Variants in MEI4 observed in about 807,000 individuals in gnomAD.
MEI4 encodes the protein meiosis-specific protein MEI4.
MEI4 carries 27 observed loss-of-function variants against 31.4 expected under a neutral mutation model. That is an observed-to-expected ratio of 0.86 (90% CI 0.63 to 1.19). The LOEUF is 1.19. Among genes scored for constraint, MEI4 ranks in the 50% most tolerant of loss-of-function variants. The pLI is 0.00. For synonymous variants in MEI4, 122 were observed against 145.4 expected (o/e 0.84, Z 1.16); for missense variants, 329 against 398.9 (o/e 0.82, Z 1.49).
intron 3 of MEI4, among the ~76,000 whole-genome samples, chr6:77,807,143 A>G (rs1022071061): frequency 1.4e-4 from 17 of 120,296 alleles, no homozygotes; most frequent in Non-Finnish European, 2.1e-4. Flanking sequence ...GGTGTGCTTC[A>G]TAAGTTTTTT....
chr6:77,900,449 G>A (rs2127734929), intron 4 of MEI4, among the ~76,000 whole-genome samples: 1 of 152,010 alleles, frequency 6.6e-6, no homozygotes, highest in East Asian at 1.9e-4. Context: ...GAAAGACATA[G>A]CTCTAGACTA....
At chr6:77,746,319 G>A (rs1286702438) in intron 2 of MEI4, among the ~76,000 whole-genome samples, 1 of 152,162 alleles carries the variant, frequency 6.6e-6, no homozygotes, top group African/African-American at 2.4e-5. Context: ...GAACTGGTAG[G>A]CTGAGTAAAG....
chr6:77,777,365 G>T (rs1241874384), intron 3 of MEI4, among the ~76,000 whole-genome samples: 1 of 152,134 alleles, frequency 6.6e-6, no homozygotes, highest in Non-Finnish European at 1.5e-5. Context: ...ATGGAAGCCA[G>T]GTGCTAGAAT....
At chr6:77,745,810 A>C (rs1475164231) in intron 2 of MEI4, among the ~76,000 whole-genome samples, 1 of 152,234 alleles carries the variant, frequency 6.6e-6, no homozygotes, top group Non-Finnish European at 1.5e-5. Context: ...CTCAGGCTTA[A>C]GAATCTCACT....
At chr6:77,730,232 T>C (rs1766939828) in intron 2 of MEI4, among the ~76,000 whole-genome samples, 1 of 152,100 alleles carries the variant, frequency 6.6e-6, no homozygotes, top group South Asian at 2.1e-4. Context: ...ATTTTATTGT[T>C]TTTACCAGTT....
intron 1 of MEI4, among the ~76,000 whole-genome samples, chr6:77,670,111 T>C (rs893927655): frequency 6.6e-6 from 1 of 152,284 alleles, no homozygotes; most frequent in African/African-American, 2.4e-5. Flanking sequence ...ACAGCTCCCA[T>C]CACTAGATAA....
At chr6:77,864,568 C>T (rs1770965432) in intron 4 of MEI4, among the ~76,000 whole-genome samples, 1 of 152,150 alleles carries the variant, frequency 6.6e-6, no homozygotes, top group African/African-American at 2.4e-5. Context: ...CAGGAGCACC[C>T]AGATGCATAA....
chr6:77,763,652 C>T (rs1462883559), intron 3 of MEI4, among the ~76,000 whole-genome samples: 3 of 152,076 alleles, frequency 2.0e-5, no homozygotes, highest in Non-Finnish European at 4.4e-5. Context: ...GTTTTCATTT[C>T]TTGTAGAGTC....
intron 2 of MEI4, among the ~76,000 whole-genome samples, chr6:77,702,696 C>A (rs966387892): frequency 1.4e-4 from 22 of 152,126 alleles, no homozygotes; most frequent in Admixed American, 1.2e-3. Flanking sequence ...TCAGATATAA[C>A]CCAAAGGCCT....
intron 1 of MEI4, among the ~76,000 whole-genome samples, chr6:77,689,747 T>G (rs961943712): frequency 6.6e-6 from 1 of 151,984 alleles, no homozygotes; most frequent in African/African-American, 2.4e-5. Context: ...AAATGTAAGG[T>G]GAAGAATTTG....
chr6:77,749,342 A>G (rs1767703745), intron 2 of MEI4, among the ~76,000 whole-genome samples: 1 of 152,134 alleles, frequency 6.6e-6, no homozygotes, highest in Non-Finnish European at 1.5e-5. Context: ...GCATGTTCTA[A>G]CCCTATGCAA....
intron 3 of MEI4, among the ~76,000 whole-genome samples, chr6:77,773,022 T>C (rs1335987091): frequency 6.6e-6 from 1 of 151,928 alleles, no homozygotes; most frequent in Non-Finnish European, 1.5e-5. Flanking sequence ...TGTAAAACAC[T>C]GATGAAAGAA....
chr6:77,803,546 C>T (rs1201661990), intron 3 of MEI4, among the ~76,000 whole-genome samples: 1 of 152,206 alleles, frequency 6.6e-6, no homozygotes, highest in African/African-American at 2.4e-5. Flanking sequence ...AGAAGAGGCA[C>T]TCTGATTTTT....
At chr6:77,803,146 T>C (rs1357206037) in intron 3 of MEI4, among the ~76,000 whole-genome samples, 1 of 152,206 alleles carries the variant, frequency 6.6e-6, no homozygotes, top group Non-Finnish European at 1.5e-5. Flanking sequence ...CATAGTCCCA[T>C]ATTTATTGGA....
rs1766762705 is a variant in MEI4, at chr6:77,923,538, T to TCAGC, written c.*196_*199dup. Reference sequence around the variant, plus strand: ...TATGAGTCATATTTCTATACTAAAATCAGCCAGTTTCGGTTGGTAATGCCA... The same window carrying TCAGC: ...TATGAGTCATATTTCTATACTAAAATCAGCCAGCCAGTTTCGGTTGGTAATGCCA... On this transcript the variant is annotated 3_prime_UTR_variant, in exon 5 of 5. Coordinates refer to ENST00000684080, the MANE Select transcript of MEI4 (RefSeq NM_001322247.2). 1 of 445,736 alleles carries TCAGC rather than the reference T, an allele frequency of 2.2e-6. No individual in the cohort carries two copies. Among genetic ancestry groups the TCAGC allele is most frequent in the South Asian group, 1.2e-4 (1 of 8,424 alleles). The allele number at this position is 445,736 out of a possible 1,614,324, so 27.6% of individuals were successfully genotyped here. A position where few individuals can be genotyped will look rare whatever the true frequency, so the allele number is the denominator to read the frequency against.
chr6:77,769,036 C>T (rs955264337), intron 3 of MEI4, among the ~76,000 whole-genome samples: 1 of 152,042 alleles, frequency 6.6e-6, no homozygotes. Flanking sequence ...TTCATAAGAA[C>T]CAAAAATCAG....
intron 2 of MEI4, among the ~76,000 whole-genome samples, chr6:77,727,616 G>A (rs969374073): frequency 6.6e-6 from 1 of 152,064 alleles, no homozygotes. Context: ...AATTTCTTTG[G>A]TATCTGTGAT....
chr6:77,912,387 G>C (rs888103164), intron 4 of MEI4, among the ~76,000 whole-genome samples: 6 of 151,942 alleles, frequency 3.9e-5, no homozygotes, highest in Non-Finnish European at 5.9e-5. Context: ...AAAAAGGATT[G>C]TATTGAATCT....
chr6:77,800,734 C>T (rs543893136), intron 3 of MEI4, among the ~76,000 whole-genome samples: 10 of 152,128 alleles, frequency 6.6e-5, no homozygotes, highest in Non-Finnish European at 1.0e-4. Context: ...GCCTTTTCTG[C>T]ATCTATTGAG....
Sources: gnomAD v4.1 joint callset for allele counts (sites outside exome capture counted in the v4.1 genomes callset) on GRCh38, gnomAD v4.1.1 for gene constraint, MANE v1.5 for transcripts, NCBI Gene and HGNC (gene_info 2026-07-23, HGNC 2026-07-21) for gene names.